DHRSX: variants seen among roughly 807,000 people sequenced by gnomAD.
DHRSX encodes the protein dehydrogenase/reductase X-linked.
In DHRSX, 31 loss-of-function variants were observed where a neutral mutation model predicts 34.0. The observed-to-expected ratio is 0.91, with a 90% CI of 0.69 to 1.23. DHRSX has a LOEUF of 1.23. DHRSX is among the 50% of genes most tolerant of loss of function. The pLI, the probability that DHRSX is intolerant of heterozygous loss-of-function variation, is 0.00. For synonymous variants in DHRSX, 201 were observed against 183.8 expected (o/e 1.09, Z -0.76); for missense variants, 414 against 428.1 (o/e 0.97, Z 0.29).
chrX:2,431,185 C>T (rs775741687), intron 1 of DHRSX, among the ~76,000 whole-genome samples: 7 of 152,024 alleles, frequency 4.6e-5, no homozygotes, highest in African/African-American at 9.6e-5. Context: ...ATTAGCCTGG[C>T]GTGGTGGCGG....
chrX:2,421,551 A>G lies in DHRSX; in HGVS notation c.217+3646T>C, dbSNP rs148597480. On this transcript the variant is annotated intron_variant, in intron 2 of 6. Coordinates refer to ENST00000334651, the MANE Select transcript of DHRSX (RefSeq NM_145177.3). Reference sequence around the variant, plus strand: ...GACCAGAAGGCCACATGGGCTGAACATGGGGTTTCCCCATCTGAGTCAAAG... The same window carrying G: ...GACCAGAAGGCCACATGGGCTGAACGTGGGGTTTCCCCATCTGAGTCAAAG... Among the ~76,000 whole-genome samples the G allele has an allele frequency of 6.0e-3, 918 of 152,346 alleles. 3 individuals are homozygous for G. The highest frequency in any genetic ancestry group is 0.01 in the Admixed American group (158 of 15,306).
intron 3 of DHRSX, among the ~76,000 whole-genome samples, chrX:2,322,555 C>CAAA (rs752649879): frequency 2.4e-5 from 3 of 123,198 alleles, no homozygotes; most frequent in African/African-American, 9.1e-5. Flanking sequence ...AACTCCATCT[C>CAAA]AAAAAAAAAA....
chrX:2,272,687 C>T (rs919474649), intron 4 of DHRSX, among the ~76,000 whole-genome samples: 8 of 152,060 alleles, frequency 5.3e-5, no homozygotes, highest in African/African-American at 1.9e-4. Context: ...TTGGCCCTCC[C>T]AGCTAAGCCC....
intron 1 of DHRSX, among the ~76,000 whole-genome samples, chrX:2,483,848 C>T (rs1842643649): frequency 6.6e-6 from 1 of 150,864 alleles, no homozygotes; most frequent in Admixed American, 6.6e-5. Context: ...TTTGGAAGGC[C>T]CACTCACCAA....
At chrX:2,233,555 T>C (rs890705321) in intron 6 of DHRSX, among the ~76,000 whole-genome samples, 2 of 152,132 alleles carry the variant, frequency 1.3e-5, no homozygotes, top group African/African-American at 4.8e-5. Context: ...TGGTAAAATC[T>C]GCATCAAGCC....
At chrX:2,271,794 C>T (rs1228615591) in intron 4 of DHRSX, among the ~76,000 whole-genome samples, 1 of 152,172 alleles carries the variant, frequency 6.6e-6, no homozygotes, top group Non-Finnish European at 1.5e-5. Flanking sequence ...ATCCTCCCAG[C>T]ACTTTCAGAG....
intron 1 of DHRSX, among the ~76,000 whole-genome samples, chrX:2,468,895 T>C (rs1185868044): frequency 6.7e-6 from 1 of 148,376 alleles, no homozygotes; most frequent in Admixed American, 6.7e-5. Context: ...TCCCTAGCAA[T>C]AAGGCCAAGT....
At chrX:2,319,113 G>T (rs2042275162) in intron 3 of DHRSX, among the ~76,000 whole-genome samples, 1 of 151,894 alleles carries the variant, frequency 6.6e-6, no homozygotes, top group Admixed American at 6.6e-5. Context: ...TCAAAAGAAG[G>T]ATAACACAGT....
intron 1 of DHRSX, among the ~76,000 whole-genome samples, chrX:2,465,622 T>C (rs1458025759): frequency 6.0e-5 from 9 of 150,074 alleles, no homozygotes; most frequent in African/African-American, 2.0e-4. Context: ...GCCCAACAGG[T>C]GAAACCCCGT....
intron 2 of DHRSX, among the ~76,000 whole-genome samples, chrX:2,423,178 G>T (rs1648603498): frequency 6.6e-6 from 1 of 151,394 alleles, no homozygotes; most frequent in Admixed American, 6.6e-5. Context: ...TTTGGGAGGC[G>T]GAGGTGGGCA....
intron 4 of DHRSX, among the ~76,000 whole-genome samples, chrX:2,289,325 T>G (rs1429857001): frequency 6.6e-6 from 1 of 151,870 alleles, no homozygotes; most frequent in Non-Finnish European, 1.5e-5. Flanking sequence ...ACCATATTGG[T>G]CAGGCTGGTC....
At chrX:2,403,856 CAAA>C (rs529721291) in intron 3 of DHRSX, among the ~76,000 whole-genome samples, 4 of 90,172 alleles carry the variant, frequency 4.4e-5, no homozygotes, top group Non-Finnish European at 2.4e-5. Context: ...AACTCTGTCT[CAAA>C]AAAAAAAAAA....
chrX:2,490,325 C>A (rs2045101358), intron 1 of DHRSX: 5 of 1,613,176 alleles, frequency 3.1e-6, no homozygotes, highest in Non-Finnish European at 4.2e-6. Context: ...GCAGATGAGG[C>A]CCAGCACGGC....
intron 3 of DHRSX, among the ~76,000 whole-genome samples, chrX:2,323,928 A>G (rs906006591): frequency 1.3e-5 from 2 of 151,282 alleles, no homozygotes; most frequent in African/African-American, 4.9e-5. Flanking sequence ...GTGGTGGTGC[A>G]CACCTGTCAT....
intron 2 of DHRSX, among the ~76,000 whole-genome samples, chrX:2,415,683 C>T (rs2043684385): frequency 6.6e-6 from 1 of 151,596 alleles, no homozygotes; most frequent in Non-Finnish European, 1.5e-5. Context: ...TCTAACCCAA[C>T]TAGACCTCAT....
chrX:2,442,316 G>A (rs148751432), intron 1 of DHRSX, among the ~76,000 whole-genome samples: 115 of 151,724 alleles, frequency 7.6e-4, no homozygotes, highest in African/African-American at 2.6e-3. Flanking sequence ...TTGCTGTCTC[G>A]GGGGTGGCAG....
chrX:2,428,598 C>G (rs979130682), intron 1 of DHRSX, among the ~76,000 whole-genome samples: 5 of 152,170 alleles, frequency 3.3e-5, no homozygotes, highest in Middle Eastern at 6.8e-3. Context: ...GGGAGGGGAA[C>G]ATCACACACC....
chrX:2,299,732 G>GT (rs950217256), intron 3 of DHRSX, among the ~76,000 whole-genome samples: 4 of 152,052 alleles, frequency 2.6e-5, no homozygotes, highest in South Asian at 2.1e-4. Context: ...GTGCACGCCT[G>GT]TAATCCCAGA....
intron 6 of DHRSX, among the ~76,000 whole-genome samples, chrX:2,235,739 G>GGA (rs2015997491): frequency 7.6e-6 from 1 of 130,752 alleles, no homozygotes; most frequent in African/African-American, 2.9e-5. Context: ...CATCTCAGGG[G>GGA]AAAAAAAAAA....
Sources: gnomAD v4.1 joint callset for allele counts (sites outside exome capture counted in the v4.1 genomes callset) on GRCh38, gnomAD v4.1.1 for gene constraint, MANE v1.5 for transcripts, NCBI Gene and HGNC (gene_info 2026-07-23, HGNC 2026-07-21) for gene names.